Variants in PCDHGA1 observed in about 807,000 individuals in gnomAD.
PCDHGA1 encodes protocadherin gamma-A1.
A neutral mutation model predicts 58.0 loss-of-function variants in PCDHGA1; 32 were observed. That is an observed-to-expected ratio of 0.55 (90% CI 0.42 to 0.74). The LOEUF (loss-of-function observed/expected upper bound fraction) is 0.74, where lower values mean the gene tolerates loss of function less well. PCDHGA1 is among the 30% of genes least tolerant of loss of function. The pLI, the probability that PCDHGA1 is intolerant of heterozygous loss-of-function variation, is 0.00. For missense variants in PCDHGA1, 1,205 were observed against 1,182.3 expected (o/e 1.02, Z -0.28); for synonymous variants, 498 against 501.1 (o/e 0.99, Z 0.08).
chr5:141,498,725 A>AGT (rs2099785409), intron 2 of PCDHGA1, among the ~76,000 whole-genome samples: 1 of 152,150 alleles, frequency 6.6e-6, no homozygotes, highest in Non-Finnish European at 1.5e-5. Flanking sequence ...TGAGGTCAGG[A>AGT]GTTTGAGACC....
At chr5:141,357,269 C>T in intron 1 of PCDHGA1, 1 of 1,613,812 alleles carries the variant, frequency 6.2e-7, no homozygotes, top group Non-Finnish European at 8.5e-7. Flanking sequence ...TCGGGCCTCA[C>T]ACTCTATCTC....
At chr5:141,393,230 A>G (rs2092708331) in intron 1 of PCDHGA1, 1 of 1,613,764 alleles carries the variant, frequency 6.2e-7, no homozygotes, top group Non-Finnish European at 8.5e-7. Context: ...AAGATCTAGA[A>G]GTAAAAATTA....
At chr5:141,371,306 TG>T in intron 1 of PCDHGA1, 1 of 1,613,950 alleles carries the variant, frequency 6.2e-7, no homozygotes, top group Non-Finnish European at 8.5e-7. Flanking sequence ...TCACCACTAT[TG>T]GAGAACTGGA....
At chr5:141,394,821 G>A (rs2093106496) in intron 1 of PCDHGA1, 2 of 1,613,744 alleles carry the variant, frequency 1.2e-6, no homozygotes, top group East Asian at 2.2e-5. Flanking sequence ...CAGCATCCCC[G>A]AAGTCCTGAC....
chr5:141,365,714 A>G (rs1764072437), intron 1 of PCDHGA1: 1 of 1,613,646 alleles, frequency 6.2e-7, no homozygotes, highest in Non-Finnish European at 8.5e-7. Flanking sequence ...CACCTCTGTC[A>G]CAGAAAACAA....
intron 1 of PCDHGA1, among the ~76,000 whole-genome samples, chr5:141,453,217 G>A (rs770914741): frequency 1.2e-4 from 19 of 152,100 alleles, no homozygotes; most frequent in Admixed American, 1.0e-3. Context: ...GCACTTAAGC[G>A]ATCCTCCCAC....
Position 141,432,097 on chromosome 5 carries a change from C to G in PCDHGA1, c.2422-62710C>G. ...TCTCGCTGAACGTGGCAGACACCAA[C>G]GACAACCCGCCGGTCTTCCCTCAGG... On this transcript the variant is annotated intron_variant, in intron 1 of 3. Transcript: ENST00000517417. This position sits in a 1 kb window ranked among gnomAD's most constrained non-coding sequence, Gnocchi z 6.0. The G allele has an allele frequency of 6.2e-7, 1 of 1,614,184 alleles. No homozygotes were observed.
intron 1 of PCDHGA1, chr5:141,384,110 T>G: frequency 6.2e-7 from 1 of 1,604,780 alleles, no homozygotes; most frequent in Non-Finnish European, 8.5e-7. Context: ...TATTATAGAT[T>G]GGTCACAACC....
intron 1 of PCDHGA1, among the ~76,000 whole-genome samples, chr5:141,348,942 T>C (rs1370921552): frequency 6.6e-6 from 1 of 152,250 alleles, no homozygotes; most frequent in Non-Finnish European, 1.5e-5. Context: ...GTTCTAAGCC[T>C]GGAACTACAG....
At position 141,489,515 on chromosome 5, in the gene PCDHGA1, G is replaced by T; in HGVS notation, c.2422-5292G>T. ...CTGGCAGTGAATCAAAAGATTGACC[G>T]AGAAAGCCTATGTGGAGCCAGCACC... On this transcript the variant is annotated intron_variant, in intron 1 of 3. Coordinates refer to ENST00000517417, the MANE Select transcript of PCDHGA1 (RefSeq NM_018912.3). This position sits in a 1 kb window ranked among gnomAD's most constrained non-coding sequence, Gnocchi z 4.5. 4.3e-6 allele frequency: 7 copies of T among 1,614,104 alleles called. No individual in the cohort carries two copies. Among genetic ancestry groups the T allele is most frequent in the Non-Finnish European group, 5.9e-6 (7 of 1,180,034 alleles).
intron 1 of PCDHGA1, chr5:141,422,936 C>T: frequency 6.2e-7 from 1 of 1,614,260 alleles, no homozygotes; most frequent in Non-Finnish European, 8.5e-7. Flanking sequence ...GCCCTCCCCA[C>T]AGACGGCTCC....
intron 1 of PCDHGA1, chr5:141,394,570 A>G: frequency 6.2e-7 from 1 of 1,613,768 alleles, no homozygotes; most frequent in Non-Finnish European, 8.5e-7. Flanking sequence ...GAGCGTGGCT[A>G]CCTGGTGACC....
intron 1 of PCDHGA1, chr5:141,371,697 A>T (rs1002155350): frequency 6.2e-7 from 1 of 1,613,958 alleles, no homozygotes; most frequent in African/African-American, 1.3e-5. Context: ...GCTCTCCTCC[A>T]GCAAGACCAT....
intron 1 of PCDHGA1, chr5:141,376,138 C>G (rs1234340396): frequency 1.2e-6 from 2 of 1,613,948 alleles, no homozygotes; most frequent in South Asian, 2.2e-5. Context: ...CCAAACCCAA[C>G]GATTCGGACC....
chr5:141,376,374 G>GT (rs778102910), intron 1 of PCDHGA1: 18 of 1,614,072 alleles, frequency 1.1e-5, no homozygotes, highest in East Asian at 1.1e-4. Context: ...GCAGACTCGC[G>GT]TAAGAGTCAT....
intron 1 of PCDHGA1, chr5:141,410,320 C>G (rs752279818): frequency 8.1e-6 from 13 of 1,613,880 alleles, no homozygotes; most frequent in African/African-American, 2.7e-5. Context: ...TCCTCCTCGC[C>G]GTGATTCTGG....
Position 141,431,633 on chromosome 5 carries a change from T to A in PCDHGA1, c.2422-63174T>A. ...TGTGGACGACAAGGCGGCCCAAGTT[T>A]TCAAACTAGATTGTAATTCAGGGAC... On this transcript the variant is annotated intron_variant, in intron 1 of 3. Coordinates refer to ENST00000517417, the MANE Select transcript of PCDHGA1 (RefSeq NM_018912.3). The surrounding 1 kb of genome is among the most constrained non-coding windows in gnomAD (Gnocchi z 4.8). 1 of 1,614,240 alleles carries A rather than the reference T, an allele frequency of 6.2e-7. No individual in the cohort carries two copies. The highest frequency in any genetic ancestry group is 8.5e-7 in the Non-Finnish European group (1 of 1,180,048).
intron 1 of PCDHGA1, chr5:141,352,253 C>A (rs752340715): frequency 1.2e-6 from 2 of 1,614,100 alleles, no homozygotes; most frequent in Admixed American, 3.3e-5. Flanking sequence ...GGATAGCCTG[C>A]AAGAGGTATT....
intron 1 of PCDHGA1, chr5:141,395,849 C>G (rs1173151406): frequency 6.6e-6 from 1 of 152,094 alleles, no homozygotes; most frequent in African/African-American, 2.4e-5. Flanking sequence ...GGAGATGAGA[C>G]TGGTTACTAA....
Sources: gnomAD v4.1 joint callset for allele counts (sites outside exome capture counted in the v4.1 genomes callset) on GRCh38, gnomAD v4.1.1 for gene constraint, Gnocchi (gnomAD v3.1) non-coding constraint, MANE v1.5 for transcripts, NCBI Gene and HGNC (gene_info 2026-07-23, HGNC 2026-07-21) for gene names.